Variants in MGAT4C observed in about 807,000 individuals in gnomAD.
MGAT4C encodes the protein MGAT4 family member C.
A neutral mutation model predicts 40.1 loss-of-function variants in MGAT4C; 19 were observed. The observed-to-expected ratio is 0.47, with a 90% CI of 0.33 to 0.70. MGAT4C has a LOEUF of 0.70. Among genes scored for constraint, MGAT4C ranks in the 30% least tolerant of loss-of-function variants. The pLI is 0.02. For missense variants in MGAT4C, 491 were observed against 563.2 expected, an observed-to-expected ratio of 0.87 and a Z score of 1.30; for synonymous variants, 181 against 187.1, an observed-to-expected ratio of 0.97 and a Z score of 0.27.
chr12:86,656,696 T>A (rs186138875), intron 2 of MGAT4C, among the ~76,000 whole-genome samples: 10 of 152,164 alleles, frequency 6.6e-5, no homozygotes, highest in Admixed American at 6.6e-4. Flanking sequence ...CTGGAAATAT[T>A]CTGAAACCTT....
intron 3 of MGAT4C, among the ~76,000 whole-genome samples, chr12:86,391,105 C>G (rs1956153479): frequency 6.6e-6 from 1 of 152,096 alleles, no homozygotes; most frequent in African/African-American, 2.4e-5. Context: ...AAATCTCTTG[C>G]AATTTTGCAA....
In MGAT4C at chr12:85,963,576, T is replaced by C. The variant is rs1883220191; in HGVS notation, c.*15713A>G. ...TTTGAATTTGATTCTTAACAAATCT[T>C]TGTGGCTGAGAAACCATGAGATTTC... On this transcript the variant is annotated 3_prime_UTR_variant, in exon 5 of 5. Transcript: ENST00000611864. 1 of 152,028 alleles carries C rather than the reference T, an allele frequency of 6.6e-6. No individual in the cohort carries two copies. The highest frequency in any genetic ancestry group is 2.4e-5 in the African/African-American group (1 of 41,444). The allele number at this position is 152,028 out of a possible 1,614,324, so 9.4% of individuals were successfully genotyped here. A position where few individuals can be genotyped will look rare whatever the true frequency, so the allele number is the denominator to read the frequency against.
chr12:86,740,156 T>C (rs1042650961), intron 1 of MGAT4C, among the ~76,000 whole-genome samples: 11 of 151,142 alleles, frequency 7.3e-5, no homozygotes, highest in African/African-American at 2.7e-4. Flanking sequence ...TTGCAGACAA[T>C]GTTGAAAGCT....
intron 2 of MGAT4C, among the ~76,000 whole-genome samples, chr12:86,618,305 A>T (rs1429857166): frequency 6.6e-6 from 1 of 152,212 alleles, no homozygotes; most frequent in East Asian, 1.9e-4. Flanking sequence ...CTAGCACAAG[A>T]TAGAACAATC....
intron 2 of MGAT4C, among the ~76,000 whole-genome samples, chr12:86,643,354 A>C (rs1963446864): frequency 6.6e-6 from 1 of 151,854 alleles, no homozygotes; most frequent in Non-Finnish European, 1.5e-5. Context: ...AATGCTCAAA[A>C]TAATTGAAAA....
chr12:86,468,290 T>A (rs1352864561), intron 2 of MGAT4C, among the ~76,000 whole-genome samples: 1 of 152,048 alleles, frequency 6.6e-6, no homozygotes, highest in Admixed American at 6.6e-5. Context: ...AAATCATTTT[T>A]TTTTCCTTTC....
At chr12:86,620,384 AT>A (rs1400172372) in intron 2 of MGAT4C, among the ~76,000 whole-genome samples, 1 of 152,104 alleles carries the variant, frequency 6.6e-6, no homozygotes, top group Non-Finnish European at 1.5e-5. Context: ...CTATTCAGCC[AT>A]AAAAATAATA....
At chr12:86,802,505 A>G in intron 1 of MGAT4C, among the ~76,000 whole-genome samples, 1 of 152,166 alleles carries the variant, frequency 6.6e-6, no homozygotes, top group East Asian at 1.9e-4. Context: ...AGGTAGCAGA[A>G]TATATAATAC....
chr12:86,421,430 C>T (rs1174845288), intron 3 of MGAT4C, among the ~76,000 whole-genome samples: 1 of 151,974 alleles, frequency 6.6e-6, no homozygotes, highest in East Asian at 1.9e-4. Context: ...ATATTTTTTC[C>T]CAAATAACCC....
intron 1 of MGAT4C, among the ~76,000 whole-genome samples, chr12:86,094,319 C>G (rs1211200045): frequency 2.0e-5 from 3 of 152,082 alleles, no homozygotes; most frequent in Non-Finnish European, 4.4e-5. Flanking sequence ...CAGAAAAGAT[C>G]AGTAAATAAA....
At chr12:85,992,878 T>G (rs550890204) in intron 2 of MGAT4C, among the ~76,000 whole-genome samples, 1 of 152,150 alleles carries the variant, frequency 6.6e-6, no homozygotes, top group Non-Finnish European at 1.5e-5. Flanking sequence ...TAGATGGCCA[T>G]CTCAGGAGAG....
intron 4 of MGAT4C, among the ~76,000 whole-genome samples, chr12:86,294,346 C>T (rs192261424): frequency 7.4e-6 from 1 of 136,034 alleles, no homozygotes; most frequent in East Asian, 2.2e-4. Flanking sequence ...AGGTGTTATT[C>T]ACACTCACTA....
chr12:86,106,983 C>T lies in MGAT4C; in HGVS notation c.-56-57260G>A, dbSNP rs559712541. On this transcript the variant is annotated intron_variant, in intron 1 of 4. Transcript: ENST00000611864. ...GGCTTCTCCAGACAGTGGCCTGAGT[C>T]ACCATGAATGAAGAGCACTCTTGTG... Among the ~76,000 whole-genome samples, 5 of 152,212 alleles carry T rather than the reference C, an allele frequency of 3.3e-5. No homozygotes were observed. The South Asian group carries it at 1.0e-3, about 32-fold the overall frequency.
At chr12:86,566,556 A>ATG (rs1960118689) in intron 2 of MGAT4C, among the ~76,000 whole-genome samples, 4 of 114,314 alleles carry the variant, frequency 3.5e-5, no homozygotes, top group Admixed American at 2.6e-4. Flanking sequence ...ATATATATAT[A>ATG]TATATATATA....
At chr12:86,499,400 C>T (rs949524887) in intron 2 of MGAT4C, among the ~76,000 whole-genome samples, 5 of 151,672 alleles carry the variant, frequency 3.3e-5, no homozygotes, top group African/African-American at 1.2e-4. Flanking sequence ...ACAGAGGTTA[C>T]TGAAGGTAAA....
At chr12:86,548,942 A>G (rs1959226995) in intron 2 of MGAT4C, among the ~76,000 whole-genome samples, 1 of 152,186 alleles carries the variant, frequency 6.6e-6, no homozygotes, top group African/African-American at 2.4e-5. Flanking sequence ...TTTATTTTGT[A>G]ACCTGGCTCT....
At chr12:86,836,145 T>A (rs148390185) in intron 1 of MGAT4C, among the ~76,000 whole-genome samples, 2 of 152,066 alleles carry the variant, frequency 1.3e-5, no homozygotes, top group African/African-American at 4.8e-5. Context: ...GTTTGTCTTA[T>A]CACCAATCCT....
chr12:86,317,749 C>A (rs1418792091), intron 4 of MGAT4C, among the ~76,000 whole-genome samples: 1 of 151,694 alleles, frequency 6.6e-6, no homozygotes, highest in East Asian at 1.9e-4. Flanking sequence ...AATGAACCAT[C>A]TTGTAAAGAA....
At chr12:86,828,572 C>T (rs533421618) in intron 1 of MGAT4C, among the ~76,000 whole-genome samples, 71 of 151,408 alleles carry the variant, frequency 4.7e-4, no homozygotes, top group African/African-American at 1.7e-3. Flanking sequence ...AAATGAGTAC[C>T]ATCTTCACTC....
Sources: allele counts gnomAD v4.1 joint callset (sites outside exome capture counted in the v4.1 genomes callset), GRCh38; gene constraint gnomAD v4.1.1; transcripts MANE v1.5; gene names NCBI Gene and HGNC (gene_info 2026-07-23, HGNC 2026-07-21).